The following FNDC3B variants were observed in gnomAD, a reference collection of about 807,000 sequenced individuals.
FNDC3B encodes the protein fibronectin type III domain-containing protein 3B.
Under a neutral mutation model 151.5 loss-of-function variants are expected in FNDC3B, and 12 were observed. The ratio of observed to expected loss-of-function variants is 0.08; its 90% CI spans 0.05 to 0.13. FNDC3B has a LOEUF of 0.13. Ranked by LOEUF, FNDC3B falls within the 10% of genes least tolerant of loss-of-function variation. The probability of loss-of-function intolerance (pLI) is 1.00; values close to 1 mark genes in which losing one functional copy is unlikely to be tolerated. For synonymous variants in FNDC3B, 528 were observed against 549.0 expected (o/e 0.96, Z 0.54); for missense variants, 1,214 against 1,505.3 (o/e 0.81, Z 3.20).
chr3:172,128,922 G>C (rs949220596), intron 2 of FNDC3B, among the ~76,000 whole-genome samples: 1 of 152,134 alleles, frequency 6.6e-6, no homozygotes, highest in Non-Finnish European at 1.5e-5. Flanking sequence ...GCTTAAAAAT[G>C]CTGCAAGTGT....
intron 1 of FNDC3B, among the ~76,000 whole-genome samples, chr3:172,090,543 G>A (rs1264546755): frequency 6.6e-6 from 1 of 152,204 alleles, no homozygotes; most frequent in Non-Finnish European, 1.5e-5. Context: ...CTCCAGAGCA[G>A]TATTCTTAAT....
At chr3:172,188,706 G>A (rs112319592) in intron 3 of FNDC3B, among the ~76,000 whole-genome samples, 7 of 152,216 alleles carry the variant, frequency 4.6e-5, no homozygotes, top group African/African-American at 1.7e-4. Flanking sequence ...CTCCCGGCCC[G>A]AAACTGAAGT....
chr3:172,251,935 G>A (rs911824318), intron 6 of FNDC3B, among the ~76,000 whole-genome samples: 3 of 152,112 alleles, frequency 2.0e-5, no homozygotes, highest in Non-Finnish European at 2.9e-5. Flanking sequence ...TAAACCATAC[G>A]TAATTACTTC....
At chr3:172,316,903 G>A (rs533297705) in intron 11 of FNDC3B, among the ~76,000 whole-genome samples, 3 of 152,338 alleles carry the variant, frequency 2.0e-5, no homozygotes, top group African/African-American at 7.2e-5. Flanking sequence ...AGTTCTGCAA[G>A]CTGGGAAGTT....
intron 7 of FNDC3B, among the ~76,000 whole-genome samples, chr3:172,288,043 C>A (rs1179247638): frequency 1.3e-5 from 2 of 152,202 alleles, no homozygotes; most frequent in Non-Finnish European, 2.9e-5. Flanking sequence ...AGCCTAGTGC[C>A]TTTAGGCCCC....
intron 1 of FNDC3B, among the ~76,000 whole-genome samples, chr3:172,060,035 G>T (rs990174089): frequency 6.6e-6 from 1 of 152,218 alleles, no homozygotes; most frequent in Non-Finnish European, 1.5e-5. Context: ...TAGCCAGGTA[G>T]TCACTTCCTA....
chr3:172,051,419 T>G (rs75683487), intron 1 of FNDC3B, among the ~76,000 whole-genome samples: 5,241 of 152,290 alleles, frequency 0.034, 296 homozygotes, highest in African/African-American at 0.12. Context: ...CTGATTTAAC[T>G]TGGGGTCTTT....
intron 3 of FNDC3B, among the ~76,000 whole-genome samples, chr3:172,223,736 G>T (rs1388336331): frequency 6.6e-6 from 1 of 152,112 alleles, no homozygotes; most frequent in Non-Finnish European, 1.5e-5. Flanking sequence ...TTGATTTTAT[G>T]TTGCATGGGT....
At chr3:172,346,085 C>A (rs1469782148) in intron 19 of FNDC3B, 2 of 250,468 alleles carry the variant, frequency 8.0e-6, no homozygotes, top group Non-Finnish European at 1.5e-5. Flanking sequence ...ATTTTGTCAA[C>A]CAACTAATTA....
chr3:172,230,904 T>C (rs1256078891), intron 4 of FNDC3B, among the ~76,000 whole-genome samples: 2 of 152,240 alleles, frequency 1.3e-5, no homozygotes, highest in East Asian at 3.8e-4. Context: ...CTGGCAGTTC[T>C]TCAGATGGTT....
chr3:172,208,127 T>G (rs1005580654), intron 3 of FNDC3B, among the ~76,000 whole-genome samples: 1 of 152,194 alleles, frequency 6.6e-6, no homozygotes, highest in Admixed American at 6.5e-5. Context: ...GATCTGAACC[T>G]TTATTTTTTT....
intron 6 of FNDC3B, among the ~76,000 whole-genome samples, chr3:172,268,695 A>AG (rs1286112684): frequency 6.6e-6 from 1 of 152,222 alleles, no homozygotes; most frequent in Non-Finnish European, 1.5e-5. Flanking sequence ...GGCAAAGCTG[A>AG]GGGGAGATCA....
At position 172,151,575 on chromosome 3, in the gene FNDC3B, A is replaced by T. The variant is rs1350705637; in HGVS notation, c.187+18029A>T. Among the ~76,000 whole-genome samples the T allele has an allele frequency of 2.6e-5, 4 of 152,308 alleles. No individual in the cohort carries two copies. The East Asian group carries it at 7.7e-4, about 29-fold the overall frequency. On this transcript the variant is annotated intron_variant, in intron 3 of 25. Transcript: ENST00000415807. Reference sequence around the variant, plus strand: ...ATAATAACTAATTTAAATTTATTCCAGATGTACAAGAAGTATTTGAGATTT... The same window carrying T: ...ATAATAACTAATTTAAATTTATTCCTGATGTACAAGAAGTATTTGAGATTT...
At chr3:172,235,395 C>G (rs1039561156) in intron 4 of FNDC3B, among the ~76,000 whole-genome samples, 4 of 152,104 alleles carry the variant, frequency 2.6e-5, no homozygotes, top group Non-Finnish European at 4.4e-5. Context: ...AGATCATGGT[C>G]CCCTGAATTC....
At chr3:172,240,054 G>A (rs1727418371) in intron 4 of FNDC3B, among the ~76,000 whole-genome samples, 1 of 151,802 alleles carries the variant, frequency 6.6e-6, no homozygotes, top group African/African-American at 2.4e-5. Context: ...TGTATTTTTA[G>A]TAGAGATGGG....
In FNDC3B at chr3:172,041,411, C is replaced by CTCCTTCCTTCCTTCCTTCCT. The variant is rs10530673; in HGVS notation, c.-29+1663_-29+1682dup. Among the ~76,000 whole-genome samples, 21 of 139,002 alleles carry CTCCTTCCTTCCTTCCTTCCT rather than the reference C, an allele frequency of 1.5e-4. No individual in the cohort carries two copies. The South Asian group carries it at 2.6e-3, about 17-fold the overall frequency. The allele number at this position is 139,002 out of a possible 152,430, so 91.2% of individuals were successfully genotyped here. A position where few individuals can be genotyped will look rare whatever the true frequency, so the allele number is the denominator to read the frequency against. ...TTTCTTTCTTTCTTTCTCCTTCTCT[C>CTCCTTCCTTCCTTCCTTCCT]TCCTTCCTTCCTTCCTTCCTTCCTT... is the stretch of plus-strand genomic sequence containing the variant. On this transcript the variant is annotated intron_variant, in intron 1 of 25. Coordinates refer to ENST00000415807, the MANE Select transcript of FNDC3B (RefSeq NM_022763.4).
chr3:172,362,461 A>G (rs77650222), intron 22 of FNDC3B, among the ~76,000 whole-genome samples, 172 bp from the exon 23 acceptor site: 91 of 152,190 alleles, frequency 6.0e-4, no homozygotes, highest in East Asian at 5.8e-3. Flanking sequence ...TAGTCTGTCC[A>G]CTGAGCAACC....
intron 4 of FNDC3B, among the ~76,000 whole-genome samples, chr3:172,238,348 G>A (rs376058909): frequency 1.3e-5 from 2 of 152,088 alleles, no homozygotes; most frequent in African/African-American, 4.8e-5. Flanking sequence ...TAGAGATAAG[G>A]TTTTGCCACG....
At chr3:172,294,149 G>T (rs1326123357) in intron 7 of FNDC3B, among the ~76,000 whole-genome samples, 1 of 152,142 alleles carries the variant, frequency 6.6e-6, no homozygotes, top group African/African-American at 2.4e-5. Flanking sequence ...CTCCAGAAAT[G>T]GTCTCTAAAA....
Sources: gnomAD v4.1 joint callset for allele counts (sites outside exome capture counted in the v4.1 genomes callset) on GRCh38, gnomAD v4.1.1 for gene constraint, MANE v1.5 for transcripts, NCBI Gene and HGNC (gene_info 2026-07-23, HGNC 2026-07-21) for gene names.